KLHL3: variants seen among roughly 807,000 people sequenced by gnomAD.
KLHL3 encodes the protein kelch-like protein 3.
A neutral mutation model predicts 70.5 loss-of-function variants in KLHL3; 19 were observed. That is an observed-to-expected ratio of 0.27 (90% CI 0.19 to 0.40). The LOEUF (loss-of-function observed/expected upper bound fraction) is 0.40. KLHL3 is among the 10% of genes least tolerant of loss of function. KLHL3 has a pLI of 1.00. For synonymous variants in KLHL3, 258 were observed against 290.3 expected, an observed-to-expected ratio of 0.89 and a Z score of 1.13; for missense variants, 512 against 771.1, an observed-to-expected ratio of 0.66 and a Z score of 3.98.
At chr5:137,683,634 C>T (rs1347728774) in intron 5 of KLHL3, among the ~76,000 whole-genome samples, 1 of 152,146 alleles carries the variant, frequency 6.6e-6, no homozygotes, top group African/African-American at 2.4e-5. Flanking sequence ...AGCCCTCAGA[C>T]TCTAAATATT....
chr5:137,691,192 G>C (rs1352959593), intron 5 of KLHL3, among the ~76,000 whole-genome samples: 1 of 152,178 alleles, frequency 6.6e-6, no homozygotes, highest in Non-Finnish European at 1.5e-5. Flanking sequence ...ACAAGAATTA[G>C]TGGTAGAACC....
intron 6 of KLHL3, among the ~76,000 whole-genome samples, chr5:137,670,826 A>G (rs1751735995): frequency 6.6e-6 from 1 of 151,688 alleles, no homozygotes; most frequent in Non-Finnish European, 1.5e-5. Context: ...AAAAAAAAAT[A>G]GCCGTAAGTG....
chr5:137,720,382 T>C (rs753122909), intron 2 of KLHL3, 83 bp downstream of exon 2: 2 of 1,509,740 alleles, frequency 1.3e-6, no homozygotes, highest in Non-Finnish European at 1.8e-6. Flanking sequence ...TAGGTGGTCA[T>C]GTTCTGACTT....
chr5:137,641,894 C>G (rs1481313640), intron 8 of KLHL3, among the ~76,000 whole-genome samples: 1 of 152,206 alleles, frequency 6.6e-6, no homozygotes. Flanking sequence ...CAGACAGAAA[C>G]TTGACTTTCC....
Position 137,634,175 on chromosome 5 carries a change from A to G in KLHL3, c.1322-10T>C. ...ACAGCATATAGCTTCCCTGCAATAG[A>G]CAAAGTGGCTGAGTGTGGTGCCAGG... On this transcript the variant is annotated splice_polypyrimidine_tract_variant and intron_variant, in intron 11 of 14. Coordinates refer to ENST00000309755, the MANE Select transcript of KLHL3 (RefSeq NM_017415.3). 6.3e-7 allele frequency: 1 copy of G among 1,598,624 alleles called. No homozygotes were observed. Among genetic ancestry groups the G allele is most frequent in the South Asian group, 1.1e-5 (1 of 89,294 alleles).
intron 3 of KLHL3, among the ~76,000 whole-genome samples, chr5:137,705,407 GC>G (rs1752666223): frequency 6.6e-6 from 1 of 152,158 alleles, no homozygotes; most frequent in South Asian, 2.1e-4. Context: ...CCAAGTCTAA[GC>G]CCCTTGTCTC....
chr5:137,640,735 C>A (rs1458859693), intron 8 of KLHL3, among the ~76,000 whole-genome samples: 4 of 151,682 alleles, frequency 2.6e-5, no homozygotes, highest in South Asian at 2.1e-4. Flanking sequence ...GGCCAGCCAC[C>A]CCCCCCAACT....
At chr5:137,697,336 G>A (rs1752470875) in intron 4 of KLHL3, among the ~76,000 whole-genome samples, 1 of 151,986 alleles carries the variant, frequency 6.6e-6, no homozygotes. Flanking sequence ...GCTAATTTTT[G>A]TCTTTTCAGT....
At position 137,677,536 on chromosome 5, in the gene KLHL3, A is replaced by G. The variant is rs974376619; in HGVS notation, c.636+9T>C. On this transcript the variant is annotated intron_variant, in intron 6 of 14. Transcript: ENST00000309755. ...GAGGTTCCCGTTTCCCCAGTGAGCC[A>G]TGTCATACCTTCTCTTCTGAAGAAA... 2 of 1,551,244 alleles carry G rather than the reference A, an allele frequency of 1.3e-6. No individual in the cohort carries two copies. The highest frequency in any genetic ancestry group is 1.8e-6 in the Non-Finnish European group (2 of 1,131,832).
chr5:137,655,043 C>T (rs1364624338), intron 8 of KLHL3, among the ~76,000 whole-genome samples: 1 of 152,110 alleles, frequency 6.6e-6, no homozygotes, highest in African/African-American at 2.4e-5. Flanking sequence ...GGTTTCTACA[C>T]AAAAAAGCTG....
At position 137,716,494 on chromosome 5, in the gene KLHL3, C is replaced by T. The variant is rs183941170; in HGVS notation, c.134+3971G>A. Among the ~76,000 whole-genome samples the T allele has an allele frequency of 1.4e-4, 22 of 152,256 alleles. No homozygotes were observed. In the East Asian group the frequency reaches 4.2e-3, roughly 29 times the overall value. ...CCAGCCAGAAGCCAGAAACAAGATA[C>T]TTTGAGAGAGGGGCAAAGGAAACAG... On this transcript the variant is annotated intron_variant, in intron 2 of 14. Coordinates refer to ENST00000309755, the MANE Select transcript of KLHL3 (RefSeq NM_017415.3).
Position 137,619,460 on chromosome 5 carries a change from T to A in KLHL3, c.*2638A>T, listed in dbSNP as rs573174125. 4.6e-5 allele frequency: 7 copies of A among 152,804 alleles called. No individual in the cohort carries two copies. Among genetic ancestry groups the A allele is most frequent in the African/African-American group, 1.7e-4 (7 of 41,600 alleles). The allele number at this position is 152,804 out of a possible 1,614,324, so 9.5% of individuals were successfully genotyped here. On this transcript the variant is annotated 3_prime_UTR_variant, in exon 15 of 15. Coordinates refer to ENST00000309755, the MANE Select transcript of KLHL3 (RefSeq NM_017415.3). The stretch of plus-strand genomic sequence containing the variant: ...ATTCCATTTCACCACCGCAATCAGA[T>A]GACAGATATGCCACTGGCAAAGCTG...
chr5:137,659,355 T>C (rs980265428), intron 7 of KLHL3, among the ~76,000 whole-genome samples: 1 of 152,166 alleles, frequency 6.6e-6, no homozygotes, highest in Non-Finnish European at 1.5e-5. Flanking sequence ...TGGGTCCCCA[T>C]CTGTCACTAG....
intron 1 of KLHL3, among the ~76,000 whole-genome samples, chr5:137,732,815 A>G (rs950863486): frequency 1.4e-4 from 22 of 152,188 alleles, no homozygotes; most frequent in African/African-American, 5.1e-4. Context: ...TTTAATCTTC[A>G]CAACAGCTCT....
chr5:137,636,276 C>T (rs879885829), intron 11 of KLHL3, among the ~76,000 whole-genome samples: 18 of 152,314 alleles, frequency 1.2e-4, no homozygotes, highest in Middle Eastern at 6.8e-3. Flanking sequence ...ATGTCTAACT[C>T]GCTGGATGTT....
chr5:137,653,540 A>G lies in KLHL3; in HGVS notation c.903+4591T>C, dbSNP rs570766354. Among the ~76,000 whole-genome samples, 5 of 152,348 alleles carry G rather than the reference A, an allele frequency of 3.3e-5. No homozygotes were observed. In the East Asian group the frequency reaches 7.7e-4, roughly 23 times the overall value. ...CAGTGATTAGAGAGATGCATATTAAAACCATAGTGAGATACTACCACAGAC... is the reference window on the plus strand; with the variant it reads ...CAGTGATTAGAGAGATGCATATTAAGACCATAGTGAGATACTACCACAGAC... On this transcript the variant is annotated intron_variant, in intron 8 of 14. Transcript: ENST00000309755.
intron 8 of KLHL3, chr5:137,647,749 A>G (rs1438523234): frequency 5.4e-6 from 2 of 373,182 alleles, no homozygotes; most frequent in African/African-American, 4.2e-5. Context: ...ACTGATAGCA[A>G]GGTGCAGAGA....
At chr5:137,622,752 G>A (rs753672270) in intron 14 of KLHL3, among the ~76,000 whole-genome samples, 3 of 152,210 alleles carry the variant, frequency 2.0e-5, no homozygotes, top group Admixed American at 6.5e-5. Flanking sequence ...GTTTTAGTCC[G>A]AGTGAACCAT....
chr5:137,666,123 T>G (rs753895410), intron 6 of KLHL3, among the ~76,000 whole-genome samples: 8 of 152,204 alleles, frequency 5.3e-5, no homozygotes, highest in Non-Finnish European at 1.5e-5. Flanking sequence ...TCTTATTTGC[T>G]GGCACATAAC....
Sources: gnomAD v4.1 joint callset for allele counts (sites outside exome capture counted in the v4.1 genomes callset) on GRCh38, gnomAD v4.1.1 for gene constraint, MANE v1.5 for transcripts, NCBI Gene and HGNC (gene_info 2026-07-23, HGNC 2026-07-21) for gene names.